The following COBL variants were observed in gnomAD, a reference collection of about 807,000 sequenced individuals.
COBL encodes cordon-bleu WH2 repeat protein, also known as protein cordon-bleu.
In COBL, 51 loss-of-function variants were observed where a neutral mutation model predicts 98.8. The ratio of observed to expected loss-of-function variants is 0.52; its 90% CI spans 0.41 to 0.65. The LOEUF (loss-of-function observed/expected upper bound fraction) is 0.65, where lower values mean the gene tolerates loss of function less well. COBL is among the 30% of genes least tolerant of loss of function. The pLI is 0.00. For missense variants in COBL, 1,617 were observed against 1,617.5 expected (o/e 1.00, Z 0.01); for synonymous variants, 634 against 651.7 (o/e 0.97, Z 0.41).
At chr7:51,315,572 A>ATC in intron 1 of COBL, among the ~76,000 whole-genome samples, 1 of 140,832 alleles carries the variant, frequency 7.1e-6, no homozygotes, top group Admixed American at 7.3e-5. Flanking sequence ...GGCTCACCCC[A>ATC]ACCCTCATTC....
chr7:51,235,409 C>T (rs1267328582), intron 1 of COBL, among the ~76,000 whole-genome samples: 1 of 152,142 alleles, frequency 6.6e-6, no homozygotes, highest in Non-Finnish European at 1.5e-5. Flanking sequence ...GTGCAGCTGC[C>T]CTGCATCTCT....
chr7:51,038,396 C>G (rs1232910721), intron 8 of COBL, among the ~76,000 whole-genome samples: 2 of 152,178 alleles, frequency 1.3e-5, no homozygotes, highest in Admixed American at 1.3e-4. Flanking sequence ...CAACATGGCT[C>G]TCTCCTTGGA....
chr7:51,162,867 G>GA (rs1786958380), intron 5 of COBL, among the ~76,000 whole-genome samples: 1 of 152,216 alleles, frequency 6.6e-6, no homozygotes, highest in Non-Finnish European at 1.5e-5. Flanking sequence ...ACTTGAAGCT[G>GA]AAGCTGTTAC....
chr7:51,107,714 C>T (rs1488237338), intron 6 of COBL, among the ~76,000 whole-genome samples: 1 of 152,170 alleles, frequency 6.6e-6, no homozygotes, highest in Non-Finnish European at 1.5e-5. Flanking sequence ...GGGCTGCACT[C>T]AGGACCCAGA....
chr7:51,057,581 A>T (rs1790891527), intron 7 of COBL, among the ~76,000 whole-genome samples: 1 of 152,178 alleles, frequency 6.6e-6, no homozygotes, highest in Non-Finnish European at 1.5e-5. Context: ...ATCAGGGCCC[A>T]TCATTTTGGG....
intron 6 of COBL, among the ~76,000 whole-genome samples, chr7:51,111,809 G>A (rs980362934): frequency 1.3e-5 from 2 of 152,196 alleles, no homozygotes; most frequent in African/African-American, 2.4e-5. Context: ...GGCATGTGAT[G>A]GGCCCCAGCA....
At chr7:51,187,992 A>C (rs1789711128) in intron 4 of COBL, 1 of 1,231,894 alleles carries the variant, frequency 8.1e-7, no homozygotes, top group Admixed American at 4.2e-5. Context: ...AGTGAGGTCC[A>C]GCTTTGAGAT....
In COBL at chr7:51,257,548, A is replaced by G. The variant is rs1027507616; in HGVS notation, c.42-37604T>C. Among the ~76,000 whole-genome samples the G allele has an allele frequency of 5.9e-5, 9 of 152,366 alleles. No individual in the cohort carries two copies. The South Asian group carries it at 6.2e-4, about 11-fold the overall frequency. ...AGCAATATGCAAAGGTTCATTCTGC[A>G]TAAGAAAGTAGGCTTATACACTTCA... On this transcript the variant is annotated intron_variant, in intron 1 of 12. Coordinates refer to ENST00000265136, the MANE Select transcript of COBL (RefSeq NM_015198.5).
intron 12 of COBL, among the ~76,000 whole-genome samples, 178 bp downstream of exon 12, chr7:51,024,931 G>A (rs888563196): frequency 1.3e-5 from 2 of 152,164 alleles, no homozygotes; most frequent in Non-Finnish European, 2.9e-5. Context: ...GTGGACTGGA[G>A]CCTTCATCTG....
chr7:51,116,616 AAT>A (rs1402791525), intron 6 of COBL, among the ~76,000 whole-genome samples: 7 of 152,112 alleles, frequency 4.6e-5, no homozygotes, highest in African/African-American at 1.7e-4. Context: ...TAAGAGAAAA[AAT>A]AGTTTTTTTA....
At chr7:51,219,619 G>A in intron 2 of COBL, 122 bp downstream of exon 2, 1 of 1,013,816 alleles carries the variant, frequency 9.9e-7, no homozygotes, top group South Asian at 1.5e-5. Flanking sequence ...TTATATCCAT[G>A]AGGTTCCTGA....
intron 2 of COBL, among the ~76,000 whole-genome samples, chr7:51,195,335 A>G (rs1790491460): frequency 6.6e-6 from 1 of 151,810 alleles, no homozygotes; most frequent in African/African-American, 2.4e-5. Flanking sequence ...TAGGTGTGTG[A>G]TCTTATTTTT....
At chr7:51,212,809 C>G (rs1303807975) in intron 2 of COBL, among the ~76,000 whole-genome samples, 1 of 152,140 alleles carries the variant, frequency 6.6e-6, no homozygotes, top group Non-Finnish European at 1.5e-5. Flanking sequence ...GGGCTCCTCC[C>G]CAGCATTTCT....
intron 7 of COBL, among the ~76,000 whole-genome samples, chr7:51,056,850 C>CACAT (rs3047117): frequency 2.0e-5 from 3 of 150,192 alleles, no homozygotes; most frequent in South Asian, 2.1e-4. Flanking sequence ...CACACACACA[C>CACAT]GGCAAAAACC....
intron 1 of COBL, among the ~76,000 whole-genome samples, chr7:51,278,022 C>T (rs746735022): frequency 2.0e-5 from 3 of 152,168 alleles, no homozygotes; most frequent in South Asian, 2.1e-4. Context: ...AGAGACACAA[C>T]AAATCAACAG....
At chr7:51,273,824 G>C (rs1799020005) in intron 1 of COBL, among the ~76,000 whole-genome samples, 2 of 152,216 alleles carry the variant, frequency 1.3e-5, no homozygotes, top group Non-Finnish European at 2.9e-5. Context: ...ACACTTCAGT[G>C]TTTTGGGAAT....
chr7:51,041,547 G>A (rs1006528029), intron 8 of COBL, among the ~76,000 whole-genome samples: 3 of 135,526 alleles, frequency 2.2e-5, no homozygotes, highest in Non-Finnish European at 3.1e-5. Context: ...GCAATGGCGC[G>A]ATCTCGGTTC....
At chr7:51,168,453 A>G (rs974299643) in intron 5 of COBL, among the ~76,000 whole-genome samples, 2 of 152,180 alleles carry the variant, frequency 1.3e-5, no homozygotes, top group African/African-American at 4.8e-5. Context: ...AAAAATGGGC[A>G]AAAGATTTAA....
intron 7 of COBL, chr7:51,065,411 A>G: frequency 4.3e-6 from 3 of 703,106 alleles, no homozygotes; most frequent in Non-Finnish European, 5.2e-6. Context: ...TTCAGAAGCA[A>G]GCTCAGAAGT....
Sources: gnomAD v4.1 joint callset for allele counts (sites outside exome capture counted in the v4.1 genomes callset) on GRCh38, gnomAD v4.1.1 for gene constraint, MANE v1.5 for transcripts, NCBI Gene and HGNC (gene_info 2026-07-23, HGNC 2026-07-21) for gene names.